Variants in TRDMT1 observed in about 807,000 individuals in gnomAD.
The protein encoded by TRDMT1 is tRNA aspartic acid methyltransferase 1, also known as tRNA (cytosine(38)-C(5))-methyltransferase.
A neutral mutation model predicts 51.2 loss-of-function variants in TRDMT1; 49 were observed. The observed-to-expected ratio is 0.96, with a 90% CI of 0.76 to 1.21. The LOEUF is 1.21. TRDMT1 is among the 50% of genes most tolerant of loss of function. The pLI, the probability that TRDMT1 is intolerant of heterozygous loss-of-function variation, is 0.00. For synonymous variants in TRDMT1, 187 were observed against 164.6 expected, an observed-to-expected ratio of 1.14 and a Z score of -1.04; for missense variants, 534 against 462.3, an observed-to-expected ratio of 1.16 and a Z score of -1.42.
At position 17,159,001 on chromosome 10, in the gene TRDMT1, T is replaced by C. The variant is rs532363002; in HGVS notation, c.543+145A>G. ...GGCAAGATGAAAACAGCCTTGAAGA[T>C]GGACCTAGGGCATGGTCTATACTTT... On this transcript the variant is annotated intron_variant, in intron 7 of 10. Transcript: ENST00000377799. 6.8e-5 allele frequency: 29 copies of C among 428,610 alleles called. No homozygotes were observed. The South Asian group carries it at 3.1e-3, about 46-fold the overall frequency. The allele number at this position is 428,610 out of a possible 1,614,324, so 26.6% of individuals were successfully genotyped here.
In TRDMT1 at chr10:17,146,703, T is replaced by C. The variant is rs1246357568; in HGVS notation, c.*2337A>G. ...GTTCTCCTGAAAATGAGAAGCTATGTTTTCCAACATCTGAATAAATGTACA... is the reference window on the plus strand; with the variant it reads ...GTTCTCCTGAAAATGAGAAGCTATGCTTTCCAACATCTGAATAAATGTACA... On this transcript the variant is annotated 3_prime_UTR_variant, in exon 11 of 11. Transcript: ENST00000377799. 2.0e-6 allele frequency: 2 copies of C among 985,302 alleles called. No individual in the cohort carries two copies. The highest frequency in any genetic ancestry group is 4.7e-5 in the South Asian group (1 of 21,292). The allele number at this position is 985,302 out of a possible 1,614,324, so 61.0% of individuals were successfully genotyped here.
At chr10:17,198,202 A>G (rs1465130395) in intron 1 of TRDMT1, among the ~76,000 whole-genome samples, 1 of 152,216 alleles carries the variant, frequency 6.6e-6, no homozygotes, top group Non-Finnish European at 1.5e-5. Context: ...CGGAGTGCTC[A>G]TGCAATGGAA....
chr10:17,141,131 GGCA>G lies in TRDMT1; in HGVS notation c.*7906_*7908del, dbSNP rs1413764273. On this transcript the variant is annotated 3_prime_UTR_variant, in exon 11 of 11. Transcript: ENST00000377799. ...ATCCAAATTGTGTCCCCCGCCCCAT[GGCA>G]ACGTGTCATTTTTCTCCAGCTGCTT... Among the ~76,000 whole-genome samples, 48 of 152,272 alleles carry G rather than the reference GGCA, an allele frequency of 3.2e-4. No individual in the cohort carries two copies. In the Middle Eastern group the frequency reaches 0.01, roughly 32 times the overall value.
In TRDMT1 at chr10:17,143,066, C is replaced by A. The variant is rs1344353888; in HGVS notation, c.*5974G>T. The A allele has an allele frequency of 2.0e-6, 2 of 985,234 alleles. No homozygotes were observed. The highest frequency in any genetic ancestry group is 3.5e-5 in the African/African-American group (2 of 57,208). 61.0% of individuals were successfully genotyped at this position (985,234 alleles called of 1,614,324 possible). On this transcript the variant is annotated 3_prime_UTR_variant, in exon 11 of 11. Transcript: ENST00000377799. ...GAATTATTTTTTAAATCATGTGTTC[C>A]AGACTTGAGTAACTTTGGCTGTTCC...
intron 1 of TRDMT1, among the ~76,000 whole-genome samples, chr10:17,191,523 G>T (rs73606351): frequency 2.0e-5 from 3 of 152,106 alleles, no homozygotes; most frequent in Non-Finnish European, 4.4e-5. Flanking sequence ...TTAGCACGTC[G>T]GTCAATGCTT....
chr10:17,143,150 T>A lies in TRDMT1; in HGVS notation c.*5890A>T. On this transcript the variant is annotated 3_prime_UTR_variant, in exon 11 of 11. Transcript: ENST00000377799. ...ATTAAATAGTTTTCAAGAGAACAAC[T>A]TAAAGACATTGTTTGAACTCCACAG... is the stretch of plus-strand genomic sequence containing the variant. The A allele has an allele frequency of 1.0e-6, 1 of 985,434 alleles. No individual in the cohort carries two copies. The highest frequency in any genetic ancestry group is 1.2e-6 in the Non-Finnish European group (1 of 829,932). The allele number at this position is 985,434 out of a possible 1,614,324, so 61.0% of individuals were successfully genotyped here. A position where few individuals can be genotyped will look rare whatever the true frequency, so the allele number is the denominator to read the frequency against.
intron 1 of TRDMT1, among the ~76,000 whole-genome samples, chr10:17,177,793 T>C: frequency 6.6e-6 from 1 of 152,012 alleles, no homozygotes; most frequent in East Asian, 1.9e-4. Flanking sequence ...ATGATTCTTC[T>C]TTCTGGAAAC....
intron 1 of TRDMT1, among the ~76,000 whole-genome samples, chr10:17,195,602 C>G (rs957926394): frequency 4.0e-5 from 6 of 149,950 alleles, no homozygotes; most frequent in Non-Finnish European, 7.4e-5. Context: ...AATCTAGAAG[C>G]TGAAAAAAAA....
chr10:17,170,123 C>T (rs1841766662), intron 2 of TRDMT1, among the ~76,000 whole-genome samples: 2 of 152,074 alleles, frequency 1.3e-5, no homozygotes, highest in African/African-American at 2.4e-5. Flanking sequence ...TGTCTAGAAT[C>T]GAAAGGAAGT....
In TRDMT1 at chr10:17,144,717, T is replaced by G. The variant is rs1404514458; in HGVS notation, c.*4323A>C. The G allele has an allele frequency of 1.0e-6, 1 of 985,304 alleles. No individual in the cohort carries two copies. The highest frequency in any genetic ancestry group is 1.2e-6 in the Non-Finnish European group (1 of 829,926). The allele number at this position is 985,304 out of a possible 1,614,324, so 61.0% of individuals were successfully genotyped here. ...GGTGATGGAGTTTGGATCTTGATTG[T>G]GTAAGATTTTGAAGAGCATGAGTAC... On this transcript the variant is annotated 3_prime_UTR_variant, in exon 11 of 11. Transcript: ENST00000377799.
At chr10:17,157,296 T>A in intron 8 of TRDMT1, 145 bp downstream of exon 8, 1 of 712,562 alleles carries the variant, frequency 1.4e-6, no homozygotes. Context: ...TACTGGAACA[T>A]GAAGTAGGCA....
chr10:17,161,812 T>G (rs573966715), intron 4 of TRDMT1, among the ~76,000 whole-genome samples: 46 of 152,324 alleles, frequency 3.0e-4, no homozygotes, highest in African/African-American at 1.1e-3. Flanking sequence ...TGGTGTCAAC[T>G]GAAAGGGCGG....
At chr10:17,201,505 C>T in intron 1 of TRDMT1, 66 bp downstream of exon 1, 2 of 1,500,256 alleles carry the variant, frequency 1.3e-6, no homozygotes, top group Admixed American at 4.2e-5. Flanking sequence ...CCGCCCCTTC[C>T]CGGCGCGGGT....
intron 9 of TRDMT1, 123 bp from the exon 10 acceptor site, chr10:17,153,759 A>G: frequency 1.0e-6 from 1 of 985,694 alleles, no homozygotes; most frequent in East Asian, 2.6e-5. Context: ...GGCAAAGTGC[A>G]CAGGGCAAAA....
intron 10 of TRDMT1, chr10:17,150,950 G>T: frequency 2.1e-5 from 21 of 985,298 alleles, no homozygotes; most frequent in Non-Finnish European, 2.5e-5. Flanking sequence ...CAGAAGGAAA[G>T]AAAGGTTTGA....
At position 17,145,306 on chromosome 10, in the gene TRDMT1, A is replaced by G. The variant is rs143463770; in HGVS notation, c.*3734T>C. The G allele has an allele frequency of 1.3e-4, 130 of 985,484 alleles. No individual in the cohort carries two copies. The highest frequency in any genetic ancestry group is 1.5e-4 in the Non-Finnish European group (125 of 830,072). 61.0% of individuals were successfully genotyped at this position (985,484 alleles called of 1,614,324 possible). Reference sequence around the variant, plus strand: ...AAAAACAGCAAAGGGAAACTCTCAAATGAAAGGCATAACTAGACATCTTGG... The same window carrying G: ...AAAAACAGCAAAGGGAAACTCTCAAGTGAAAGGCATAACTAGACATCTTGG... On this transcript the variant is annotated 3_prime_UTR_variant, in exon 11 of 11. Transcript: ENST00000377799.
chr10:17,156,312 G>A (rs1382408637), intron 8 of TRDMT1, among the ~76,000 whole-genome samples: 4 of 151,184 alleles, frequency 2.6e-5, no homozygotes, highest in Non-Finnish European at 5.9e-5. Flanking sequence ...TCGGCTCACT[G>A]CAACCTCTGC....
intron 3 of TRDMT1, 98 bp from the exon 4 acceptor site, chr10:17,162,335 A>C (rs1444930239): frequency 8.6e-7 from 1 of 1,168,466 alleles, no homozygotes; most frequent in African/African-American, 1.6e-5. Flanking sequence ...TCAAAAGGAG[A>C]ATAAAAATAA....
intron 10 of TRDMT1, 39 bp from the exon 11 acceptor site, chr10:17,149,179 A>G: frequency 6.6e-7 from 1 of 1,513,756 alleles, no homozygotes; most frequent in Non-Finnish European, 9.1e-7. Flanking sequence ...ATCATTTGTA[A>G]TCACAATTTC....
Sources: allele counts gnomAD v4.1 joint callset (sites outside exome capture counted in the v4.1 genomes callset), GRCh38; gene constraint gnomAD v4.1.1; transcripts MANE v1.5; gene names NCBI Gene and HGNC (gene_info 2026-07-23, HGNC 2026-07-21).